The following OPCML variants were observed in gnomAD, a reference collection of about 807,000 sequenced individuals.
The protein encoded by OPCML is opioid binding protein/cell adhesion molecule like.
In OPCML, 13 loss-of-function variants were observed where a neutral mutation model predicts 37.8. The ratio of observed to expected loss-of-function variants is 0.34; its 90% confidence interval spans 0.22 to 0.55. The LOEUF is 0.55. Ranked by LOEUF, OPCML falls within the 20% of genes least tolerant of loss-of-function variation. The pLI is 0.91. For synonymous variants in OPCML, 176 were observed against 168.8 expected, an observed-to-expected ratio of 1.04 and a Z score of -0.33; for missense variants, 341 against 435.6, an observed-to-expected ratio of 0.78 and a Z score of 1.93.
At chr11:132,510,200 G>A (rs1359402966) in intron 4 of OPCML, among the ~76,000 whole-genome samples, 1 of 152,076 alleles carries the variant, frequency 6.6e-6, no homozygotes, top group African/African-American at 2.4e-5. Context: ...TCTCCCTTTT[G>A]GAATGACTAT....
chr11:132,697,438 C>T (rs940721230), intron 2 of OPCML, among the ~76,000 whole-genome samples: 2 of 152,120 alleles, frequency 1.3e-5, no homozygotes, highest in African/African-American at 4.8e-5. Context: ...CCCTGCTTCC[C>T]TCCTCCTCCA....
At chr11:133,272,252 T>TAAAAAA in intron 1 of OPCML, among the ~76,000 whole-genome samples, 1 of 124,468 alleles carries the variant, frequency 8.0e-6, no homozygotes, top group Non-Finnish European at 1.7e-5. Context: ...ATATTTGGAC[T>TAAAAAA]AAAAAAAAAA....
At chr11:132,626,511 A>G (rs540128235) in intron 3 of OPCML, among the ~76,000 whole-genome samples, 1 of 152,216 alleles carries the variant, frequency 6.6e-6, no homozygotes, top group African/African-American at 2.4e-5. Context: ...AAATATATGT[A>G]TGTTATGAAT....
At chr11:132,819,836 C>T (rs994248711) in intron 2 of OPCML, among the ~76,000 whole-genome samples, 2 of 152,116 alleles carry the variant, frequency 1.3e-5, no homozygotes, top group Non-Finnish European at 2.9e-5. Context: ...CCAAACAGCT[C>T]GCTAAAAAAC....
chr11:133,406,645 T>G (rs1945533002), intron 1 of OPCML, among the ~76,000 whole-genome samples: 1 of 152,198 alleles, frequency 6.6e-6, no homozygotes, highest in African/African-American at 2.4e-5. Context: ...TGTTTTCATT[T>G]AATTTGAGGG....
At chr11:132,454,105 A>G (rs528993551) in intron 4 of OPCML, among the ~76,000 whole-genome samples, 1 of 152,348 alleles carries the variant, frequency 6.6e-6, no homozygotes, top group South Asian at 2.1e-4. Flanking sequence ...GGGGAAGGTT[A>G]AGAAACCAGG....
chr11:133,197,202 C>T (rs1463148621), intron 1 of OPCML, among the ~76,000 whole-genome samples: 1 of 152,230 alleles, frequency 6.6e-6, no homozygotes. Flanking sequence ...TCCTTACCGG[C>T]ACCCTGAGTG....
At chr11:133,306,968 A>T (rs1400093545) in intron 1 of OPCML, among the ~76,000 whole-genome samples, 1 of 152,156 alleles carries the variant, frequency 6.6e-6, no homozygotes, top group Non-Finnish European at 1.5e-5. Context: ...TTAGTAGATA[A>T]CCCTGTACCA....
At chr11:133,459,680 C>T (rs143652227) in intron 1 of OPCML, among the ~76,000 whole-genome samples, 2 of 151,978 alleles carry the variant, frequency 1.3e-5, no homozygotes, top group South Asian at 4.1e-4. Flanking sequence ...TTGCCAACAA[C>T]TATAAGCATA....
chr11:132,737,951 T>C (rs1488503246), intron 2 of OPCML, among the ~76,000 whole-genome samples: 1 of 152,140 alleles, frequency 6.6e-6, no homozygotes, highest in African/African-American at 2.4e-5. Context: ...TGTTCCTATC[T>C]TTCACCTCTA....
chr11:133,169,373 A>G (rs1280163430), intron 1 of OPCML, among the ~76,000 whole-genome samples: 1 of 151,756 alleles, frequency 6.6e-6, no homozygotes, highest in Non-Finnish European at 1.5e-5. Context: ...AAAAAATTAA[A>G]CAAAAATAAA....
At chr11:132,760,248 G>T (rs1946211904) in intron 2 of OPCML, among the ~76,000 whole-genome samples, 2 of 152,202 alleles carry the variant, frequency 1.3e-5, no homozygotes, top group African/African-American at 2.4e-5. Context: ...GAAGTGCTAT[G>T]TGGTGCTGAG....
intron 1 of OPCML, among the ~76,000 whole-genome samples, chr11:133,479,055 A>G (rs1189569622): frequency 6.6e-6 from 1 of 152,184 alleles, no homozygotes; most frequent in East Asian, 1.9e-4. Context: ...AACAGGACGC[A>G]CTTTAAAGGA....
chr11:133,193,432 T>A (rs476840), intron 1 of OPCML, among the ~76,000 whole-genome samples: 1 of 152,040 alleles, frequency 6.6e-6, no homozygotes, highest in Non-Finnish European at 1.5e-5. Context: ...TTTCAAGAAG[T>A]AGGAGGTAAT....
rs143865580 is a variant in OPCML, at chr11:132,479,313, C to T, written c.506-41954G>A. Among the ~76,000 whole-genome samples, 350 of 152,212 alleles carry T rather than the reference C, an allele frequency of 2.3e-3. 3 individuals are homozygous for T. The highest frequency in any genetic ancestry group is 7.9e-3 in the African/African-American group (329 of 41,546). On this transcript the variant is annotated intron_variant, in intron 4 of 7. Transcript: ENST00000524381. ...CTCCCACCCAAATACTGCGCTTTTCCGACGGGCTTAAAAAACGGATCACCA... is the reference window on the plus strand; with the variant it reads ...CTCCCACCCAAATACTGCGCTTTTCTGACGGGCTTAAAAAACGGATCACCA...
intron 1 of OPCML, among the ~76,000 whole-genome samples, chr11:133,028,491 C>T (rs1417658686): frequency 1.3e-5 from 2 of 151,248 alleles, no homozygotes; most frequent in African/African-American, 2.4e-5. Context: ...AAGTTTATTA[C>T]ATGCACAAAG....
chr11:132,918,766 C>T (rs1944690882), intron 2 of OPCML, among the ~76,000 whole-genome samples: 3 of 151,908 alleles, frequency 2.0e-5, no homozygotes, highest in South Asian at 4.2e-4. Context: ...TTTTTCTCAA[C>T]TTACACGTGC....
chr11:133,007,490 A>T, intron 1 of OPCML: 1 of 985,426 alleles, frequency 1.0e-6, no homozygotes, highest in Non-Finnish European at 1.2e-6. Context: ...TTGTTAATGA[A>T]CCTGTCCTTA....
intron 2 of OPCML, among the ~76,000 whole-genome samples, chr11:132,912,919 T>C (rs1423941541): frequency 6.6e-6 from 1 of 152,248 alleles, no homozygotes; most frequent in South Asian, 2.1e-4. Flanking sequence ...TTTCACCATA[T>C]ATCAAATATA....
Sources: allele counts gnomAD v4.1 joint callset (sites outside exome capture counted in the v4.1 genomes callset), GRCh38; gene constraint gnomAD v4.1.1; transcripts MANE v1.5; gene names NCBI Gene and HGNC (gene_info 2026-07-23, HGNC 2026-07-21).